The following BPIFB3 variants were observed in gnomAD, a reference collection of about 807,000 sequenced individuals.
BPIFB3 encodes the protein BPI fold containing family B member 3, also known as BPI fold-containing family B member 3.
BPIFB3 carries 49 observed loss-of-function variants against 53.1 expected under a neutral mutation model. That is an observed-to-expected ratio of 0.92 (90% confidence interval 0.73 to 1.17). The LOEUF is 1.17. Among genes scored for constraint, BPIFB3 ranks in the 50% most tolerant of loss-of-function variants. The pLI, the probability that BPIFB3 is intolerant of heterozygous loss-of-function variation, is 0.00. For synonymous variants in BPIFB3, 271 were observed against 269.6 expected, an observed-to-expected ratio of 1.01 and a Z score of -0.05; for missense variants, 628 against 592.5, an observed-to-expected ratio of 1.06 and a Z score of -0.62.
At chr20:33,061,960 C>G (rs1049804109) in intron 5 of BPIFB3, 129 bp downstream of exon 6, 1 of 1,082,130 alleles carries the variant, frequency 9.2e-7, no homozygotes, top group African/African-American at 1.6e-5. Context: ...ACCTGGTAAT[C>G]CCATCCGGGC....
intron 5 of BPIFB3, 98 bp downstream of exon 6, chr20:33,061,929 C>T (rs969350183): frequency 2.1e-6 from 3 of 1,395,824 alleles, no homozygotes; most frequent in Admixed American, 3.6e-5. Flanking sequence ...CAGGATTAGG[C>T]TGTACTTCCC....
At chr20:33,071,376 T>TG in intron 12 of BPIFB3, 81 bp downstream of exon 13, 2 of 1,465,236 alleles carry the variant, frequency 1.4e-6, no homozygotes, top group South Asian at 2.5e-5. Flanking sequence ...CCATGAGTCA[T>TG]GGGCCATATG....
chr20:33,057,334 G>GC (rs1980251934), intron 2 of BPIFB3, among the ~76,000 whole-genome samples: 1 of 151,908 alleles, frequency 6.6e-6, no homozygotes, highest in Admixed American at 6.5e-5. Context: ...GATTACAGGC[G>GC]CCCACCACCA....
Position 33,061,337 on chromosome 20 carries a change from A to ATCATTCAT in BPIFB3, c.528-402_528-395dup, listed in dbSNP as rs4012503. Among the ~76,000 whole-genome samples, 326 of 151,268 alleles carry ATCATTCAT rather than the reference A, an allele frequency of 2.2e-3. 2 individuals are homozygous for ATCATTCAT. Among genetic ancestry groups the ATCATTCAT allele is most frequent in the African/African-American group, 6.3e-3 (259 of 40,938 alleles). On this transcript the variant is annotated intron_variant, in intron 4 of 14. Transcript: ENST00000375494. Reference sequence around the variant, plus strand: ...GTCTACATGCACTTATCCTCAGGCCATCATTCATTCATTCATTCATTCATT... The same window carrying ATCATTCAT: ...GTCTACATGCACTTATCCTCAGGCCATCATTCATTCATTCATTCATTCATTCATTCATT...
intron 2 of BPIFB3, among the ~76,000 whole-genome samples, chr20:33,058,105 A>T (rs1372795383): frequency 6.6e-6 from 1 of 152,210 alleles, no homozygotes; most frequent in East Asian, 1.9e-4. Flanking sequence ...TGCCTGGTCA[A>T]GTCCAGTGGA....
chr20:33,057,740 A>T (rs937514031), intron 2 of BPIFB3, among the ~76,000 whole-genome samples: 1 of 152,042 alleles, frequency 6.6e-6, no homozygotes, highest in Non-Finnish European at 1.5e-5. Context: ...TGTTGCTCAT[A>T]TAGGATTCCA....
At chr20:33,064,743 G>A in exon 8 of BPIFB3, 2 of 1,614,094 alleles carry the variant, frequency 1.2e-6, no homozygotes, top group Non-Finnish European at 1.7e-6. Flanking sequence ...CCCCCAAGAA[G>A]GACCACACAT....
intron 4 of BPIFB3, among the ~76,000 whole-genome samples, chr20:33,061,239 G>T (rs1319956457): frequency 6.6e-6 from 1 of 152,134 alleles, no homozygotes; most frequent in African/African-American, 2.4e-5. Flanking sequence ...TCCCAGGATG[G>T]TGTTGGTGTC....
chr20:33,055,683 G>A, intron 1 of BPIFB3, 136 bp downstream of exon 2: 4 of 1,311,506 alleles, frequency 3.0e-6, no homozygotes, highest in Non-Finnish European at 4.2e-6. Context: ...CATTCTCCTG[G>A]GAGTAGCTGT....
At chr20:33,064,903 A>G in intron 8 of BPIFB3, 58 bp downstream of exon 9, 2 of 1,557,222 alleles carry the variant, frequency 1.3e-6, no homozygotes, top group Non-Finnish European at 1.7e-6. Flanking sequence ...GTGCCTTGGC[A>G]TTACTAGTGT....
upstream of BPIFB3, chr20:33,055,374 G>C: frequency 6.2e-7 from 1 of 1,603,096 alleles, no homozygotes; most frequent in Non-Finnish European, 8.5e-7. Flanking sequence ...GAGGGGAAAG[G>C]CTTGAGCAGG....
chr20:33,060,726 T>C (rs1980419850), intron 4 of BPIFB3, among the ~76,000 whole-genome samples: 1 of 151,876 alleles, frequency 6.6e-6, no homozygotes, highest in Non-Finnish European at 1.5e-5. Context: ...CCCACCACCA[T>C]GCTAATTTTT....
chr20:33,064,964 G>T, intron 8 of BPIFB3, 119 bp downstream of exon 9: 1 of 1,134,824 alleles, frequency 8.8e-7, no homozygotes, highest in African/African-American at 1.6e-5. Flanking sequence ...ATAATAAAAG[G>T]GAGTTGAACA....
At chr20:33,059,512 C>T in intron 3 of BPIFB3, 30 bp downstream of exon 4, 1 of 1,521,418 alleles carries the variant, frequency 6.6e-7, no homozygotes, top group Non-Finnish European at 9.0e-7. Context: ...CTCTACCCTC[C>T]TGCTTCCTAT....
rs1049832617 is a variant in BPIFB3, at chr20:33,059,521, A to G, written c.386+39A>G. 7.5e-6 allele frequency: 11 copies of G among 1,464,862 alleles called. No individual in the cohort carries two copies. In the East Asian group the frequency reaches 9.4e-5, roughly 12 times the overall value. 90.7% of individuals were successfully genotyped at this position (1,464,862 alleles called of 1,614,324 possible). A position where few individuals can be genotyped will look rare whatever the true frequency, so the allele number is the denominator to read the frequency against. On this transcript the variant is annotated intron_variant, in intron 3 of 14. Coordinates refer to ENST00000375494, the Ensembl canonical transcript of BPIFB3. ...GGGGACCTCTACCCTCCTGCTTCCT[A>G]TCCCACCCCCTGACCTGTTGGAGAC...
intron 1 of BPIFB3, 87 bp downstream of exon 2, chr20:33,055,634 G>A: frequency 5.1e-6 from 8 of 1,572,756 alleles, no homozygotes; most frequent in Non-Finnish European, 5.2e-6. Flanking sequence ...TTTAAGAGCA[G>A]ATAAGAGCAG....
At chr20:33,066,800 C>A in intron 8 of BPIFB3, 24 bp from the exon 10 acceptor site, 1 of 1,612,730 alleles carries the variant, frequency 6.2e-7, no homozygotes, top group Non-Finnish European at 8.5e-7. Flanking sequence ...TGCTCACCAA[C>A]CCTCTCTCCC....
chr20:33,065,182 G>A (rs1249870511), intron 8 of BPIFB3, among the ~76,000 whole-genome samples: 1 of 152,162 alleles, frequency 6.6e-6, no homozygotes, highest in East Asian at 1.9e-4. Flanking sequence ...CCTTTCTAGA[G>A]TCTAAGCACT....
intron 8 of BPIFB3, among the ~76,000 whole-genome samples, chr20:33,065,893 C>T (rs1315914675): frequency 1.3e-5 from 2 of 152,118 alleles, no homozygotes; most frequent in Non-Finnish European, 2.9e-5. Context: ...GGAACAGGAC[C>T]CTGAGCTGGG....
Sources: allele counts gnomAD v4.1 joint callset (sites outside exome capture counted in the v4.1 genomes callset), GRCh38; gene constraint gnomAD v4.1.1; transcripts MANE v1.5; gene names NCBI Gene and HGNC (gene_info 2026-07-23, HGNC 2026-07-21).